Variants in DIAPH2 observed in about 807,000 individuals in gnomAD.
DIAPH2 encodes diaphanous related formin 2, also known as protein diaphanous homolog 2.
A neutral mutation model predicts 92.7 loss-of-function variants in DIAPH2; 35 were observed. The observed-to-expected ratio is 0.38, with a 90% confidence interval of 0.29 to 0.50. The LOEUF is 0.50. DIAPH2 is among the 20% of genes least tolerant of loss of function. The pLI is 0.94. For missense variants in DIAPH2, 701 were observed against 819.5 expected (o/e 0.86, Z 1.77); for synonymous variants, 301 against 280.4 (o/e 1.07, Z -0.73).
intron 26 of DIAPH2, among the ~76,000 whole-genome samples, chrX:97,539,385 C>T (rs181019640): frequency 3.9e-4 from 44 of 111,891 alleles, no homozygotes; most frequent in African/African-American, 1.4e-3. Flanking sequence ...GTAGTCTTTC[C>T]TCTCTTTTCT....
intron 4 of DIAPH2, among the ~76,000 whole-genome samples, chrX:96,781,976 G>T (rs2064421111): frequency 1.8e-5 from 2 of 111,995 alleles, no homozygotes; most frequent in Admixed American, 1.9e-4. Context: ...AAGAAGTGTA[G>T]AAATCATATA....
intron 1 of DIAPH2, among the ~76,000 whole-genome samples, chrX:96,700,673 T>C (rs1048053469): frequency 1.8e-5 from 2 of 112,298 alleles, no homozygotes; most frequent in African/African-American, 6.5e-5. Context: ...CTTGATGCTC[T>C]CAACACACAT....
At chrX:97,038,156 G>A (rs143245503) in intron 17 of DIAPH2, among the ~76,000 whole-genome samples, 4,119 of 110,765 alleles carry the variant, frequency 0.037, 89 homozygotes, top group Middle Eastern at 0.078. Context: ...AGTGGCCTCC[G>A]GTTCCATCCA....
intron 20 of DIAPH2, among the ~76,000 whole-genome samples, chrX:97,102,499 ATTG>A (rs199692995): frequency 0.014 from 1,549 of 112,223 alleles, 25 homozygotes; most frequent in African/African-American, 0.048. Flanking sequence ...CATTAACATT[ATTG>A]TTGTTGCTAT....
intron 22 of DIAPH2, among the ~76,000 whole-genome samples, chrX:97,185,474 CATATATATAT>C (rs1180330581): frequency 0.065 from 684 of 10,469 alleles, 44 homozygotes; most frequent in South Asian, 0.16. Flanking sequence ...TATATATACA[CATATATATAT>C]ATATATATAT....
chrX:96,698,031 C>A (rs1483357896), intron 1 of DIAPH2, among the ~76,000 whole-genome samples: 2 of 111,016 alleles, frequency 1.8e-5, no homozygotes, highest in East Asian at 5.6e-4. Context: ...TAGCCCACCA[C>A]TGGGGAAAAA....
At chrX:97,082,483 T>C (rs1195394992) in intron 19 of DIAPH2, among the ~76,000 whole-genome samples, 2 of 106,411 alleles carry the variant, frequency 1.9e-5, no homozygotes, top group Non-Finnish European at 3.9e-5. Flanking sequence ...AATACAAAAA[T>C]TAGTCAGGTG....
At chrX:97,092,106 G>C (rs777265984) in intron 19 of DIAPH2, among the ~76,000 whole-genome samples, 1 of 112,102 alleles carries the variant, frequency 8.9e-6, no homozygotes, top group East Asian at 2.8e-4. Flanking sequence ...ATGTTCCTAC[G>C]ATAGTCTTGG....
rs148371410 is a variant in DIAPH2, at chrX:97,314,365, A to T, written c.2845-33751A>T. Reference sequence around the variant, plus strand: ...AAGGTTGAGGCTGCAGTGTGCTATGATCATGCCACTGCACTGCAGTCTGGA... The same window carrying T: ...AAGGTTGAGGCTGCAGTGTGCTATGTTCATGCCACTGCACTGCAGTCTGGA... On this transcript the variant is annotated intron_variant, in intron 23 of 26. Coordinates refer to ENST00000324765, the MANE Select transcript of DIAPH2 (RefSeq NM_006729.5). Among the ~76,000 whole-genome samples, 477 of 111,094 alleles carry T rather than the reference A, an allele frequency of 4.3e-3. 3 individuals carry two copies. The highest frequency in any genetic ancestry group is 0.014 in the African/African-American group (413 of 30,566).
chrX:97,332,622 G>T (rs977238656), intron 23 of DIAPH2, among the ~76,000 whole-genome samples: 2 of 111,333 alleles, frequency 1.8e-5, no homozygotes, highest in Non-Finnish European at 3.8e-5. Flanking sequence ...CTTATAAAAT[G>T]GGAAAAATGG....
intron 22 of DIAPH2, among the ~76,000 whole-genome samples, chrX:97,223,961 G>T (rs920786890): frequency 1.4e-4 from 16 of 111,450 alleles, no homozygotes; most frequent in Non-Finnish European, 2.8e-4. Flanking sequence ...ATATCAAGTG[G>T]AGTAGCATGT....
rs1406141587 is a variant in DIAPH2 at position 97,051,462 on chromosome X, G to A, written c.2051-21479G>A. ...TATTCTCTGGTTTAATTTGTCAGGG[G>A]ATGACTACTTCTTTGATGTCTTAGT... On this transcript the variant is annotated intron_variant, in intron 17 of 26. Coordinates refer to ENST00000324765, the MANE Select transcript of DIAPH2 (RefSeq NM_006729.5). 4.6e-5 allele frequency among the ~76,000 whole-genome samples: 5 copies of A among 108,627 alleles called. No homozygotes were observed. The South Asian group carries it at 2.0e-3, about 43-fold the overall frequency. The allele number at this position is 108,627 out of a possible 115,157, so 94.3% of individuals were successfully genotyped here.
At chrX:97,211,700 A>G (rs2067841763) in intron 22 of DIAPH2, among the ~76,000 whole-genome samples, 1 of 111,524 alleles carries the variant, frequency 9.0e-6, no homozygotes, top group Non-Finnish European at 1.9e-5. Context: ...TTGATTCCAC[A>G]CCAGAATTTG....
intron 26 of DIAPH2, among the ~76,000 whole-genome samples, chrX:97,470,923 C>T (rs2070557361): frequency 9.0e-6 from 1 of 111,581 alleles, no homozygotes; most frequent in Non-Finnish European, 1.9e-5. Flanking sequence ...ATGACATACT[C>T]TTCACAAGTG....
intron 22 of DIAPH2, among the ~76,000 whole-genome samples, chrX:97,152,493 G>GA (rs1412302764): frequency 1.8e-5 from 2 of 111,744 alleles, no homozygotes; most frequent in Non-Finnish European, 3.8e-5. Context: ...AATTTCTAAA[G>GA]AAAAAAATTT....
chrX:97,240,830 T>G (rs1323533187), intron 22 of DIAPH2, among the ~76,000 whole-genome samples: 1 of 111,541 alleles, frequency 9.0e-6, no homozygotes, highest in East Asian at 2.8e-4. Context: ...AAGTACTTTA[T>G]CAAATCATTT....
intron 5 of DIAPH2, among the ~76,000 whole-genome samples, chrX:96,905,662 T>C (rs192109479): frequency 2.3e-3 from 256 of 111,475 alleles, no homozygotes; most frequent in African/African-American, 7.7e-3. Flanking sequence ...TTGAGATAGG[T>C]TTCTGTTTTA....
intron 22 of DIAPH2, among the ~76,000 whole-genome samples, chrX:97,187,368 C>T (rs1416684998): frequency 2.2e-5 from 2 of 91,862 alleles, no homozygotes; most frequent in African/African-American, 3.9e-5. Flanking sequence ...CTCTGTCTCC[C>T]GGGTTCAAGT....
chrX:97,196,200 AC>A (rs1239818146), intron 22 of DIAPH2, among the ~76,000 whole-genome samples: 1 of 90,522 alleles, frequency 1.1e-5, no homozygotes, highest in Non-Finnish European at 2.1e-5. Flanking sequence ...GTAGTGATAC[AC>A]ATACACACAC....
Sources: allele counts gnomAD v4.1 joint callset (sites outside exome capture counted in the v4.1 genomes callset), GRCh38; gene constraint gnomAD v4.1.1; transcripts MANE v1.5; gene names NCBI Gene and HGNC (gene_info 2026-07-23, HGNC 2026-07-21).